The following TAX1BP1 variants were observed in gnomAD, a reference collection of about 807,000 sequenced individuals.
TAX1BP1 encodes the protein Tax1 binding protein 1.
In TAX1BP1, 62 loss-of-function variants were observed where a neutral mutation model predicts 97.7. The observed-to-expected ratio is 0.63, with a 90% CI of 0.52 to 0.78. TAX1BP1 has a LOEUF of 0.78. Ranked by LOEUF, TAX1BP1 falls within the 30% of genes least tolerant of loss-of-function variation. The pLI is 0.00. For synonymous variants in TAX1BP1, 340 were observed against 304.2 expected, an observed-to-expected ratio of 1.12 and a Z score of -1.23; for missense variants, 867 against 916.1, an observed-to-expected ratio of 0.95 and a Z score of 0.69.
rs376415438 is a variant in TAX1BP1, at chr7:27,785,422, C to T, written c.785C>T (p.Ala262Val). 34 of 1,613,080 alleles carry T rather than the reference C, an allele frequency of 2.1e-5. No individual in the cohort carries two copies. Among genetic ancestry groups the T allele is most frequent in the African/African-American group, 2.7e-5 (2 of 74,808 alleles). The change falls in exon 7 of 17, where the codon GCA (alanine) becomes GTA (valine). Residue 262 changes from alanine to valine, a missense_variant. Around this residue, in one of 3 missense-constraint regions of TAX1BP1, gnomAD observed 822 missense variants for 851.4 expected, o/e 0.97. Transcript: ENST00000396319. ...AGTTTAAAGGACAAACTCAAGAAGG[C>T]ACAACATGAAAGAGAACAACTTGAA... ...LDSLKDKLKK[A>V]QHEREQLECQ...
chr7:27,816,817 C>T, intron 14 of TAX1BP1, 73 bp from the exon 15 acceptor site: 1 of 1,514,754 alleles, frequency 6.6e-7, no homozygotes. Context: ...ATATCCTGTT[C>T]ATCATATCTG....
At chr7:27,788,289 C>G (rs1789567204) in intron 8 of TAX1BP1, among the ~76,000 whole-genome samples, 2 of 152,086 alleles carry the variant, frequency 1.3e-5, no homozygotes, top group South Asian at 4.1e-4. Context: ...TTGTTTCGTT[C>G]TTGATAATGT....
At position 27,750,737 on chromosome 7, in the gene TAX1BP1, T is replaced by C. The variant is rs34041547; in HGVS notation, c.162+2051T>C. On this transcript the variant is annotated intron_variant, in intron 2 of 16. Coordinates refer to ENST00000396319, the MANE Select transcript of TAX1BP1 (RefSeq NM_006024.7). Reference sequence around the variant, plus strand: ...CTGCAGACTACTTGTTTATTTCTTATATTTTTTCATTTTTTTAAAGCCAAA... The same window carrying C: ...CTGCAGACTACTTGTTTATTTCTTACATTTTTTCATTTTTTTAAAGCCAAA... Among the ~76,000 whole-genome samples, 1,152 of 152,336 alleles carry C rather than the reference T, an allele frequency of 7.6e-3. 6 individuals are homozygous for C. Among genetic ancestry groups the C allele is most frequent in the Middle Eastern group, 0.014 (4 of 294 alleles).
chr7:27,813,165 T>TC (rs1790625223), intron 13 of TAX1BP1, among the ~76,000 whole-genome samples: 1 of 147,492 alleles, frequency 6.8e-6, no homozygotes, highest in Admixed American at 6.8e-5. Flanking sequence ...TTTTTTTTTT[T>TC]TTCTTAAAGA....
At chr7:27,827,617 C>G in intron 15 of TAX1BP1, 121 bp from the exon 16 acceptor site, 1 of 715,860 alleles carries the variant, frequency 1.4e-6, no homozygotes, top group Non-Finnish European at 2.3e-6. Flanking sequence ...TAAATGATAG[C>G]AGAGAGAAAA....
At chr7:27,744,723 T>C (rs1787755303) in intron 1 of TAX1BP1, among the ~76,000 whole-genome samples, 1 of 152,188 alleles carries the variant, frequency 6.6e-6, no homozygotes, top group Non-Finnish European at 1.5e-5. Context: ...GCTTTGGGCT[T>C]GAAAAAGTTA....
At chr7:27,741,915 A>G (rs1787625148) in intron 1 of TAX1BP1, among the ~76,000 whole-genome samples, 1 of 152,186 alleles carries the variant, frequency 6.6e-6, no homozygotes, top group Non-Finnish European at 1.5e-5. Flanking sequence ...CAAACACGTG[A>G]ACAAAGGTCT....
Position 27,758,116 on chromosome 7 carries a change from G to C in TAX1BP1, c.248G>C (p.Cys83Ser). The change falls in exon 3 of 17, where the codon TGT (cysteine) becomes TCT (serine). Residue 83 changes from cysteine (C) to serine (S), a missense_variant. Coordinates refer to ENST00000396319, the MANE Select transcript of TAX1BP1 (RefSeq NM_006024.7). ...EHYVEGSTVN[C>S]VLAFQGYYLP... ...TATGTGGAAGGATCAACAGTCAATT[G>C]TGTACTAGCATTCCAAGGTAAGGAC... 6.2e-7 allele frequency: 1 copy of C among 1,610,366 alleles called. No homozygotes were observed. The highest frequency in any genetic ancestry group is 8.5e-7 in the Non-Finnish European group (1 of 1,178,408).
intron 4 of TAX1BP1, among the ~76,000 whole-genome samples, chr7:27,768,738 G>A (rs1788735578): frequency 6.6e-6 from 1 of 151,822 alleles, no homozygotes; most frequent in Non-Finnish European, 1.5e-5. Context: ...ACTTTTCCTG[G>A]CATTTTGATT....
At position 27,785,386 on chromosome 7, in the gene TAX1BP1, A is replaced by G; in HGVS notation, c.762-13A>G. 1 of 1,604,762 alleles carries G rather than the reference A, an allele frequency of 6.2e-7. No homozygotes were observed. The highest frequency in any genetic ancestry group is 8.5e-7 in the Non-Finnish European group (1 of 1,176,408). ...TAAAACATTATAATGTTACTTTATCATACCTATCTTAGTTTAAAGGACAAA... is the reference window on the plus strand; with the variant it reads ...TAAAACATTATAATGTTACTTTATCGTACCTATCTTAGTTTAAAGGACAAA... On this transcript the variant is annotated splice_polypyrimidine_tract_variant and intron_variant, in intron 6 of 16. Coordinates refer to ENST00000396319, the MANE Select transcript of TAX1BP1 (RefSeq NM_006024.7).
chr7:27,741,266 G>A (rs573075460), intron 1 of TAX1BP1, among the ~76,000 whole-genome samples: 14 of 152,102 alleles, frequency 9.2e-5, no homozygotes, highest in Non-Finnish European at 1.6e-4. Flanking sequence ...ATTCCTAAAG[G>A]ATTTAAAGAG....
chr7:27,777,704 C>T (rs2128314115), intron 5 of TAX1BP1, among the ~76,000 whole-genome samples: 1 of 152,310 alleles, frequency 6.6e-6, no homozygotes, highest in Non-Finnish European at 1.5e-5. Context: ...CCTAGACTCT[C>T]AGTTTCTCTC....
chr7:27,824,771 G>A (rs1052683422), intron 15 of TAX1BP1, among the ~76,000 whole-genome samples: 1 of 152,116 alleles, frequency 6.6e-6, no homozygotes. Flanking sequence ...AAACATAGAT[G>A]AAAACAATAG....
At chr7:27,760,784 A>G (rs1447894073) in intron 3 of TAX1BP1, among the ~76,000 whole-genome samples, 3 of 152,222 alleles carry the variant, frequency 2.0e-5, no homozygotes, top group South Asian at 2.1e-4. Context: ...TAAGGGCAGC[A>G]TAACTTGGAG....
rs557521009 is a variant in TAX1BP1, at chr7:27,823,180, ACATCT to A, written c.2086-4554_2086-4550del. Among the ~76,000 whole-genome samples, 57 of 152,326 alleles carry A rather than the reference ACATCT, an allele frequency of 3.7e-4. 1 individual carries two copies. The highest frequency in any genetic ancestry group is 2.7e-3 in the Admixed American group (41 of 15,296). ...AATGTCTGGCAAAGCATAAGCAATAACATCTCATAAGAAGAGGAGGAATACTGACT... is the reference window on the plus strand; with the variant it reads ...AATGTCTGGCAAAGCATAAGCAATAACATAAGAAGAGGAGGAATACTGACT... On this transcript the variant is annotated intron_variant, in intron 15 of 16. Transcript: ENST00000396319.
In TAX1BP1 at chr7:27,816,353, T is replaced by C. The variant is rs749736534; in HGVS notation, c.1769T>C (p.Leu590Pro). The stretch of plus-strand genomic sequence containing the variant: ...CTTTGTTTTTGTTAATTTTAGGAAC[T>C]TAAAAGGAGTCTAGAAAATCCAGCA... ...LAEVQDNYKE[L>P]KRSLENPAER... The change falls in exon 14 of 17, where the codon CTT (leucine) becomes CCT (proline). Residue 590 changes from leucine to proline, a missense_variant. Leu to Pro is a moderately conservative substitution (Grantham distance 98). This residue lies in a region of TAX1BP1 where 822 missense variants were observed against 851.4 expected (regional missense o/e 0.97). Transcript: ENST00000396319. 10 of 1,570,660 alleles carry C rather than the reference T, an allele frequency of 6.4e-6. No individual in the cohort carries two copies. The highest frequency in any genetic ancestry group is 8.6e-6 in the Non-Finnish European group (10 of 1,167,416).
intron 12 of TAX1BP1, among the ~76,000 whole-genome samples, 175 bp from the exon 13 acceptor site, chr7:27,799,790 T>C (rs1790063501): frequency 6.6e-6 from 1 of 152,166 alleles, no homozygotes; most frequent in African/African-American, 2.4e-5. Context: ...TATTTCATTG[T>C]GTGGATAGAA....
In TAX1BP1 at chr7:27,828,679, C is replaced by G. The variant is rs779689532; in HGVS notation, c.2220C>G (p.Asn740Lys). The change falls in exon 17 of 17, where the codon AAC (asparagine) becomes AAG (lysine). Residue 740 changes from asparagine to lysine, a missense_variant. Asn to Lys is a moderately conservative substitution (Grantham distance 94). Coordinates refer to ENST00000396319, the MANE Select transcript of TAX1BP1 (RefSeq NM_006024.7). The part of the protein sequence containing the change: ...CPLCELMFPP[N>K]YDQSKFEEHV... ...TCTGTGAGTTAATGTTTCCTCCTAACTATGATCAGAGCAAATTTGAAGAAC... is the reference window on the plus strand; with the variant it reads ...TCTGTGAGTTAATGTTTCCTCCTAAGTATGATCAGAGCAAATTTGAAGAAC... The G allele has an allele frequency of 1.2e-6, 2 of 1,614,004 alleles. No individual in the cohort carries two copies. The highest frequency in any genetic ancestry group is 1.1e-5 in the South Asian group (1 of 91,070).
intron 2 of TAX1BP1, 58 bp from the exon 3 acceptor site, chr7:27,757,973 T>G: frequency 9.8e-7 from 1 of 1,022,468 alleles, no homozygotes; most frequent in Non-Finnish European, 1.5e-6. Context: ...GTATGCTGTA[T>G]GAGCCTAATA....
Sources: gnomAD v4.1 joint callset for allele counts (sites outside exome capture counted in the v4.1 genomes callset) on GRCh38, gnomAD v4.1.1 for gene constraint, gnomAD v4.1.1 regional missense constraint, MANE v1.5 for transcripts, NCBI Gene and HGNC (gene_info 2026-07-23, HGNC 2026-07-21) for gene names.